Variants in DRC8 observed in about 807,000 individuals in gnomAD.
DRC8 encodes the protein dynein regulatory complex subunit 8, also known as dynein regulatory complex protein 8.
chr1:245,027,442 G>A, the DRC8 span, among the ~76,000 whole-genome samples: 1 of 152,016 alleles, frequency 6.6e-6, no homozygotes, highest in Admixed American at 6.6e-5. Context: ...TTACTTGACT[G>A]GGACAAAAGA....
the DRC8 span, among the ~76,000 whole-genome samples, chr1:245,100,820 C>A: frequency 5.0e-5 from 2 of 40,000 alleles, no homozygotes; most frequent in Non-Finnish European, 1.5e-4. Flanking sequence ...ATAATAAATA[C>A]TTCACAGTTT....
At chr1:245,087,145 G>A in the DRC8 span, 3 of 1,505,918 alleles carry the variant, frequency 2.0e-6, no homozygotes, top group South Asian at 1.3e-5. Flanking sequence ...TAGTGGCACT[G>A]TGGGAGCTTG....
the DRC8 span, among the ~76,000 whole-genome samples, chr1:245,042,166 G>A: frequency 2.0e-5 from 3 of 152,192 alleles, no homozygotes; most frequent in Non-Finnish European, 2.9e-5. Flanking sequence ...GCAATGCTGC[G>A]GAGTGCCTGC....
At chr1:245,107,467 C>G in the DRC8 span, among the ~76,000 whole-genome samples, 1 of 152,236 alleles carries the variant, frequency 6.6e-6, no homozygotes, top group Non-Finnish European at 1.5e-5. Context: ...TCTTATTCAG[C>G]AGAGAGCGTA....
At chr1:245,111,152 A>T in the DRC8 span, among the ~76,000 whole-genome samples, 1 of 152,162 alleles carries the variant, frequency 6.6e-6, no homozygotes, top group African/African-American at 2.4e-5. Flanking sequence ...CTTTTTGGCA[A>T]TAGGGGATAA....
At chr1:245,117,332 G>A in the DRC8 span, among the ~76,000 whole-genome samples, 1 of 151,976 alleles carries the variant, frequency 6.6e-6, no homozygotes, top group Non-Finnish European at 1.5e-5. Flanking sequence ...AGGATTACAG[G>A]CATGAGCCAC....
At chr1:245,091,524 A>G in the DRC8 span, 4 of 152,204 alleles carry the variant, frequency 2.6e-5, no homozygotes, top group South Asian at 8.3e-4. Flanking sequence ...CAGTAGAGGA[A>G]GCTTGCGTCG....
the DRC8 span, among the ~76,000 whole-genome samples, chr1:245,112,513 ATGCTTAGAGACAT>A: frequency 0.14 from 21,808 of 152,308 alleles, 2,008 homozygotes; most frequent in Middle Eastern, 0.28. Flanking sequence ...GTGTGTTCAT[ATGCTTAGAGACAT>A]TGTGAAAGCA....
chr1:245,082,926 CT>C, the DRC8 span, among the ~76,000 whole-genome samples: 1 of 152,114 alleles, frequency 6.6e-6, no homozygotes, highest in East Asian at 1.9e-4. Flanking sequence ...CCAGGCTGGT[CT>C]CGAACTCCTG....
the DRC8 span, among the ~76,000 whole-genome samples, chr1:245,062,928 T>C: frequency 6.6e-6 from 1 of 152,206 alleles, no homozygotes; most frequent in East Asian, 1.9e-4. Flanking sequence ...GTAGGAGAGC[T>C]GGCTAGCAAA....
chr1:245,034,050 CTT>C, the DRC8 span, among the ~76,000 whole-genome samples: 1 of 152,034 alleles, frequency 6.6e-6, no homozygotes, highest in African/African-American at 2.4e-5. Flanking sequence ...ACCTCTGACT[CTT>C]TTTTCTCAGC....
chr1:245,004,905 GCA>G, the DRC8 span, among the ~76,000 whole-genome samples: 3 of 152,148 alleles, frequency 2.0e-5, no homozygotes, highest in African/African-American at 7.2e-5. Context: ...TATTTATGGA[GCA>G]CAGTGTGACA....
chr1:244,992,731 C>T, the DRC8 span, among the ~76,000 whole-genome samples: 478 of 152,262 alleles, frequency 3.1e-3, 6 homozygotes, highest in African/African-American at 0.011. Flanking sequence ...CAGAGTGAGA[C>T]TGTGTCTCAA....
At chr1:245,098,444 A>T in the DRC8 span, among the ~76,000 whole-genome samples, 1 of 152,080 alleles carries the variant, frequency 6.6e-6, no homozygotes, top group South Asian at 2.1e-4. Context: ...AAAGTTAGAG[A>T]TAGGGAAGGA....
chr1:245,043,258 T>C, the DRC8 span, among the ~76,000 whole-genome samples: 6,453 of 152,008 alleles, frequency 0.042, 494 homozygotes, highest in African/African-American at 0.15. Context: ...ATGGTGAAAC[T>C]CTGTCTCTAC....
the DRC8 span, among the ~76,000 whole-genome samples, chr1:245,103,801 A>G: frequency 6.6e-6 from 1 of 152,202 alleles, no homozygotes; most frequent in Non-Finnish European, 1.5e-5. Flanking sequence ...GATCCACTAA[A>G]GAAAAGGTGG....
the DRC8 span, among the ~76,000 whole-genome samples, chr1:245,116,499 C>T: frequency 6.6e-6 from 1 of 152,196 alleles, no homozygotes; most frequent in Non-Finnish European, 1.5e-5. Context: ...TCGGGTGGAG[C>T]TGGCATCTGC....
chr1:245,007,218 G>T, the DRC8 span, among the ~76,000 whole-genome samples: 1 of 152,126 alleles, frequency 6.6e-6, no homozygotes, highest in Non-Finnish European at 1.5e-5. Flanking sequence ...TATAAAGCCT[G>T]GTCTCTTCAA....
At chr1:245,114,231 G>A in the DRC8 span, among the ~76,000 whole-genome samples, 7 of 152,140 alleles carry the variant, frequency 4.6e-5, no homozygotes, top group Admixed American at 2.0e-4. Flanking sequence ...TTGGGAGGCC[G>A]AGGCAGGCGG....
Sources: allele counts gnomAD v4.1 joint callset (sites outside exome capture counted in the v4.1 genomes callset), GRCh38; gene constraint gnomAD v4.1.1; transcripts MANE v1.5; gene names NCBI Gene and HGNC (gene_info 2026-07-23, HGNC 2026-07-21).